AKAP7: variants seen among roughly 807,000 people sequenced by gnomAD.
AKAP7 encodes A kinase (PRKA) anchor protein 7.
Under a neutral mutation model 39.5 loss-of-function variants are expected in AKAP7, and 39 were observed. The observed-to-expected ratio is 0.99, with a 90% CI of 0.76 to 1.29. The LOEUF is 1.29. Among genes scored for constraint, AKAP7 ranks in the 50% most tolerant of loss-of-function variants. The probability of loss-of-function intolerance (pLI) is 0.00; values close to 1 mark genes in which losing one functional copy is unlikely to be tolerated. For missense variants in AKAP7, 414 were observed against 407.7 expected, an observed-to-expected ratio of 1.02 and a Z score of -0.13; for synonymous variants, 140 against 139.1, an observed-to-expected ratio of 1.01 and a Z score of -0.05.
At chr6:131,138,913 T>G (rs1431002017) in intron 1 of AKAP7, among the ~76,000 whole-genome samples, 1 of 152,246 alleles carries the variant, frequency 6.6e-6, no homozygotes, top group Non-Finnish European at 1.5e-5. Flanking sequence ...ATCTTTATGT[T>G]ATTAATGCAT....
chr6:131,282,282 A>G lies in AKAP7; in HGVS notation c.*556A>G, dbSNP rs1270328446. 7.4e-7 allele frequency: 1 copy of G among 1,357,776 alleles called. No homozygotes were observed. 84.1% of individuals were successfully genotyped at this position (1,357,776 alleles called of 1,614,324 possible). A position where few individuals can be genotyped will look rare whatever the true frequency, so the allele number is the denominator to read the frequency against. On this transcript the variant is annotated 3_prime_UTR_variant, in exon 8 of 8. Coordinates refer to ENST00000431975, the MANE Select transcript of AKAP7 (RefSeq NM_016377.4). ...TCATGTAAATGATATATTTTTGGTG[A>G]AATGCAACCTTTTCTATAAAATGTG... is the stretch of plus-strand genomic sequence containing the variant.
At chr6:131,261,161 G>T (rs572091754) in intron 7 of AKAP7, among the ~76,000 whole-genome samples, 5 of 147,846 alleles carry the variant, frequency 3.4e-5, no homozygotes, top group Non-Finnish European at 7.4e-5. Flanking sequence ...GCACCATTGC[G>T]CAACAAGAGC....
At position 131,160,031 on chromosome 6, in the gene AKAP7, G is replaced by A. The variant is rs766070135; in HGVS notation, c.152-28G>A. On this transcript the variant is annotated intron_variant, in intron 2 of 7. Transcript: ENST00000431975. Reference sequence around the variant, plus strand: ...GTATTATCTTTGTTTAAATGTATTAGACGTATTGTTTGACTTTTTTCCTCT... The same window carrying A: ...GTATTATCTTTGTTTAAATGTATTAAACGTATTGTTTGACTTTTTTCCTCT... The A allele has an allele frequency of 2.6e-6, 4 of 1,549,712 alleles. No individual in the cohort carries two copies. The South Asian group carries it at 4.9e-5, about 19-fold the overall frequency.
chr6:131,241,974 G>T (rs1207756052), intron 7 of AKAP7: 6 of 860,504 alleles, frequency 7.0e-6, no homozygotes, highest in Non-Finnish European at 8.4e-6. Flanking sequence ...GAGGGCTAAA[G>T]AAACACAGAG....
intron 1 of AKAP7, among the ~76,000 whole-genome samples, chr6:131,136,161 TTTATC>T (rs1446015953): frequency 6.6e-6 from 1 of 152,176 alleles, no homozygotes; most frequent in African/African-American, 2.4e-5. Flanking sequence ...AAATTTCGAT[TTTATC>T]TTATATCACA....
At chr6:131,197,057 CTT>C (rs965130467) in intron 5 of AKAP7, among the ~76,000 whole-genome samples, 1 of 152,014 alleles carries the variant, frequency 6.6e-6, no homozygotes, top group Non-Finnish European at 1.5e-5. Context: ...CATCTATTTT[CTT>C]TCTCTCTTTT....
At chr6:131,170,297 T>A (rs1367166952) in intron 5 of AKAP7, among the ~76,000 whole-genome samples, 1 of 94,800 alleles carries the variant, frequency 1.1e-5, no homozygotes, top group Non-Finnish European at 2.2e-5. Flanking sequence ...TAAAGTATAA[T>A]TTAAAAAAAA....
intron 7 of AKAP7, among the ~76,000 whole-genome samples, chr6:131,254,429 C>T (rs769003089): frequency 6.6e-6 from 1 of 152,200 alleles, no homozygotes; most frequent in African/African-American, 2.4e-5. Flanking sequence ...GCATATGGAC[C>T]ACTCTGGGTT....
chr6:131,251,394 A>G (rs1434765630), intron 7 of AKAP7, among the ~76,000 whole-genome samples: 1 of 152,224 alleles, frequency 6.6e-6, no homozygotes, highest in Non-Finnish European at 1.5e-5. Context: ...TTCCTTTTCA[A>G]TATAATGTTT....
intron 6 of AKAP7, among the ~76,000 whole-genome samples, chr6:131,207,115 A>C (rs1386181643): frequency 6.6e-6 from 1 of 152,150 alleles, no homozygotes; most frequent in Non-Finnish European, 1.5e-5. Context: ...AGTTTGACCA[A>C]ATTGCTTAAT....
intron 7 of AKAP7, among the ~76,000 whole-genome samples, chr6:131,221,547 A>G (rs1382395297): frequency 6.6e-6 from 1 of 152,228 alleles, no homozygotes; most frequent in Non-Finnish European, 1.5e-5. Flanking sequence ...GATGGCATCT[A>G]GGAGTTTCAT....
At chr6:131,234,071 C>T (rs918207567) in intron 7 of AKAP7, among the ~76,000 whole-genome samples, 2 of 152,174 alleles carry the variant, frequency 1.3e-5, no homozygotes, top group East Asian at 1.9e-4. Context: ...TTCATTGATA[C>T]TGCCTGAGTT....
intron 7 of AKAP7, among the ~76,000 whole-genome samples, chr6:131,256,070 G>A (rs149772991): frequency 1.3e-5 from 2 of 152,294 alleles, no homozygotes; most frequent in Non-Finnish European, 2.9e-5. Flanking sequence ...ACAGTCTCCC[G>A]GGGTGCCATG....
At chr6:131,269,869 A>G (rs1489606482) in intron 7 of AKAP7, among the ~76,000 whole-genome samples, 1 of 152,188 alleles carries the variant, frequency 6.6e-6, no homozygotes, top group Non-Finnish European at 1.5e-5. Context: ...AAGGAAAGCA[A>G]CTGAGAATCT....
the AKAP7 span, among the ~76,000 whole-genome samples, chr6:131,126,952 G>A: frequency 6.6e-6 from 1 of 152,196 alleles, no homozygotes; most frequent in Non-Finnish European, 1.5e-5. Context: ...TTGTGAGATT[G>A]ACTGATGAAA....
At chr6:131,207,872 A>G (rs1011331776) in intron 6 of AKAP7, among the ~76,000 whole-genome samples, 6 of 152,174 alleles carry the variant, frequency 3.9e-5, no homozygotes, top group South Asian at 2.1e-4. Context: ...CTGGTTATTC[A>G]GTGAACCTTG....
At chr6:131,180,051 T>A (rs1016430475) in intron 5 of AKAP7, among the ~76,000 whole-genome samples, 5 of 152,186 alleles carry the variant, frequency 3.3e-5, no homozygotes, top group Non-Finnish European at 7.3e-5. Context: ...TCAGTTTTCC[T>A]CATGTCTGCT....
chr6:131,243,148 T>C (rs1464265456), intron 7 of AKAP7, among the ~76,000 whole-genome samples: 8 of 152,184 alleles, frequency 5.3e-5, no homozygotes, highest in Non-Finnish European at 1.0e-4. Flanking sequence ...GTCAAGCCAC[T>C]GAATTAACCA....
chr6:131,253,245 G>T (rs1400804237), intron 7 of AKAP7: 2 of 797,006 alleles, frequency 2.5e-6, no homozygotes, highest in Non-Finnish European at 3.8e-6. Flanking sequence ...AGCAAATGAT[G>T]ATTTTTTTAA....
Sources: gnomAD v4.1 joint callset for allele counts (sites outside exome capture counted in the v4.1 genomes callset) on GRCh38, gnomAD v4.1.1 for gene constraint, MANE v1.5 for transcripts, NCBI Gene and HGNC (gene_info 2026-07-23, HGNC 2026-07-21) for gene names.